CROCC2: variants seen among roughly 807,000 people sequenced by gnomAD.
The protein encoded by CROCC2 is ciliary rootlet coiled-coil protein 2.
CROCC2 carries 163 observed loss-of-function variants against 177.6 expected under a neutral mutation model. The observed-to-expected ratio is 0.92, with a 90% CI of 0.81 to 1.05. The LOEUF is 1.05. Ranked by LOEUF, CROCC2 falls within the 50% of genes least tolerant of loss-of-function variation. The pLI is 0.00. For synonymous variants in CROCC2, 904 were observed against 787.3 expected (o/e 1.15, Z -2.48); for missense variants, 1,929 against 1,797.8 (o/e 1.07, Z -1.32).
chr2:240,956,036 A>G (rs1574775096), intron 19 of CROCC2, 64 bp downstream of exon 19: 1 of 1,215,848 alleles, frequency 8.2e-7, no homozygotes, highest in Non-Finnish European at 1.2e-6. Flanking sequence ...CCAGGGGGCC[A>G]CCCCTCCTGC....
rs144963017 is a variant in CROCC2 at position 240,957,805 on chromosome 2, G to A, written c.2944-1496G>A. ...GCCCCTGAGGCCTGGAGGGTTCCACGGGGCCCAGGAGGACCAAGCTTGGCA... is the reference window on the plus strand; with the variant it reads ...GCCCCTGAGGCCTGGAGGGTTCCACAGGGCCCAGGAGGACCAAGCTTGGCA... On this transcript the variant is annotated intron_variant, in intron 19 of 31. Transcript: ENST00000690015. Among the ~76,000 whole-genome samples, 896 of 152,164 alleles carry A rather than the reference G, an allele frequency of 5.9e-3. 5 individuals carry two copies. The highest frequency in any genetic ancestry group is 0.01 in the Non-Finnish European group (701 of 67,984).
chr2:240,976,122 G>T (rs529955425), intron 27 of CROCC2, among the ~76,000 whole-genome samples: 6 of 152,338 alleles, frequency 3.9e-5, no homozygotes, highest in African/African-American at 1.4e-4. Flanking sequence ...CCACATGCTG[G>T]CTCCAAGACC....
chr2:240,965,780 G>A lies in CROCC2; in HGVS notation c.3748G>A (p.Glu1250Lys), dbSNP rs58321401. The change falls in exon 24 of 32, where the codon GAA becomes AAA. Residue 1250 changes from glutamate (E) to lysine (K), a missense_variant. By Grantham distance (56) the Glu-to-Lys change is moderately conservative. This residue lies in a region of CROCC2 where 144 missense variants were observed against 205.2 expected (regional missense o/e 0.70). Coordinates refer to ENST00000690015, the MANE Select transcript of CROCC2 (RefSeq NM_001351305.2). ...ELHSVTRKLQEASGVADALQA... is the reference protein window; with the variant it reads ...ELHSVTRKLQKASGVADALQA... Reference sequence around the variant, plus strand: ...GCACAGTGTCACCAGGAAGCTGCAGGAAGCCAGTGGTGTGGCTGATGCTCT... The same window carrying A: ...GCACAGTGTCACCAGGAAGCTGCAGAAAGCCAGTGGTGTGGCTGATGCTCT... 9,093 of 1,490,736 alleles carry A rather than the reference G, an allele frequency of 6.1e-3. 492 individuals carry two copies. In the African/African-American group the frequency reaches 0.11, roughly 18 times the overall value. 92.3% of individuals were successfully genotyped at this position (1,490,736 alleles called of 1,614,324 possible). A position where few individuals can be genotyped will look rare whatever the true frequency, so the allele number is the denominator to read the frequency against.
intron 14 of CROCC2, among the ~76,000 whole-genome samples, chr2:240,945,151 G>A (rs2059515573): frequency 6.6e-6 from 1 of 152,156 alleles, no homozygotes; most frequent in Non-Finnish European, 1.5e-5. Context: ...TGCCAGGCTG[G>A]TCTTGAACTC....
intron 1 of CROCC2, among the ~76,000 whole-genome samples, chr2:240,912,565 C>T (rs565382836): frequency 6.6e-6 from 1 of 152,338 alleles, no homozygotes; most frequent in South Asian, 2.1e-4. Flanking sequence ...TACGGAGCCT[C>T]CAGGCCCCTG....
At chr2:240,981,685 A>G (rs1360731117) in intron 27 of CROCC2, 1 of 152,192 alleles carries the variant, frequency 6.6e-6, no homozygotes, top group Non-Finnish European at 1.5e-5. Flanking sequence ...AGGGTGAAGC[A>G]TCACAGTCTT....
At position 240,932,720 on chromosome 2, in the gene CROCC2, C is replaced by T. The variant is rs542942310; in HGVS notation, c.1063C>T (p.Arg355Trp). Residue 355 changes from arginine (R) to tryptophan (W), a missense_variant, in exon 9 of 32, where the codon CGG (arginine) becomes TGG (tryptophan). This residue lies in a region of CROCC2 where 1,397 missense variants were observed against 1,239.9 expected (regional missense o/e 1.13). Coordinates refer to ENST00000690015, the MANE Select transcript of CROCC2 (RefSeq NM_001351305.2). ...LQNLVAQEDA[R>W]CLELAGSSIT... ...CTTGAAGGTGGCCCAGGAGGACGCC[C>T]GGTGCCTGGAGCTGGCAGGTAGCAG... The T allele has an allele frequency of 1.8e-5, 15 of 834,166 alleles. No homozygotes were observed. Among genetic ancestry groups the T allele is most frequent in the East Asian group, 5.3e-5 (2 of 37,768 alleles). The allele number at this position is 834,166 out of a possible 1,614,324, so 51.7% of individuals were successfully genotyped here.
At position 240,934,430 on chromosome 2, in the gene CROCC2, T is replaced by G; in HGVS notation, c.1746T>G (p.Asp582Glu). ...TGAGCACAGCACAGCTGCAGCGGGA[T>G]GTCGTGGAGAGTGAGAGGGAGGGAC... ...EALSTAQLQRDVVESEREGLR... is the reference protein window; with the variant it reads ...EALSTAQLQREVVESEREGLR... The change falls in exon 12 of 32, where the codon GAT (aspartate) becomes GAG (glutamate). Residue 582 changes from aspartate (D) to glutamate (E), a missense_variant. This residue lies in a region of CROCC2 where 1,397 missense variants were observed against 1,239.9 expected (regional missense o/e 1.13). Transcript: ENST00000690015. 1 of 1,548,582 alleles carries G rather than the reference T, an allele frequency of 6.5e-7. No homozygotes were observed. Among genetic ancestry groups the G allele is most frequent in the Non-Finnish European group, 8.7e-7 (1 of 1,146,878 alleles).
At position 240,949,172 on chromosome 2, in the gene CROCC2, C is replaced by A; in HGVS notation, c.2482+75C>A. The A allele has an allele frequency of 6.9e-7, 1 of 1,459,522 alleles. No homozygotes were observed. 90.4% of individuals were successfully genotyped at this position (1,459,522 alleles called of 1,614,324 possible). On this transcript the variant is annotated intron_variant, in intron 16 of 31. Coordinates refer to ENST00000690015, the MANE Select transcript of CROCC2 (RefSeq NM_001351305.2). The surrounding 1 kb of genome is among the most constrained non-coding windows in gnomAD (Gnocchi z 4.5). Reference sequence around the variant, plus strand: ...GGGGCCCCTGGAATGGAGCTCAGTGCCCACACGTGCTGCACCCCCTCTCCG... The same window carrying A: ...GGGGCCCCTGGAATGGAGCTCAGTGACCACACGTGCTGCACCCCCTCTCCG...
chr2:240,966,280 G>C lies in CROCC2; in HGVS notation c.4017G>C (p.Arg1339Ser). ...AACAGGGTACCAGCCCCCCAGCCAG[G>C]CCCCACTCGCCCCTCCGATGGCCCT... ...PGQQGTSPPA[R>S]PHSPLRWPSP... Residue 1339 changes from arginine (R) to serine (S), a missense_variant, in exon 25 of 32, where the codon AGG (arginine) becomes AGC (serine). By Grantham distance (110) the Arg-to-Ser change is moderately radical. Coordinates refer to ENST00000690015, the MANE Select transcript of CROCC2 (RefSeq NM_001351305.2). 1 of 485,598 alleles carries C rather than the reference G, an allele frequency of 2.1e-6. No homozygotes were observed. Among genetic ancestry groups the C allele is most frequent in the Non-Finnish European group, 3.3e-6 (1 of 303,006 alleles). The allele number at this position is 485,598 out of a possible 1,614,324, so 30.1% of individuals were successfully genotyped here.
At chr2:240,927,808 G>A (rs1181297577) in intron 5 of CROCC2, among the ~76,000 whole-genome samples, 3 of 152,100 alleles carry the variant, frequency 2.0e-5, no homozygotes, top group South Asian at 2.1e-4. Context: ...GTGCCACCAC[G>A]CCTGGATAAT....
intron 28 of CROCC2, among the ~76,000 whole-genome samples, chr2:240,987,849 G>A (rs74806260): frequency 0.012 from 1,809 of 152,332 alleles, 36 homozygotes; most frequent in African/African-American, 0.041. Context: ...CAGGGCCTGG[G>A]TTCCAGGCCT....
rs1421232505 is a variant in CROCC2 at position 240,933,119 on chromosome 2, C to A, written c.1252-12C>A. On this transcript the variant is annotated splice_polypyrimidine_tract_variant and intron_variant, in intron 9 of 31. Transcript: ENST00000690015. ...AGGCCAGAGAGGCCCACAACTTACC[C>A]CACCCGAGCAGGAGCTGTGCCTGCA... 4 of 1,550,086 alleles carry A rather than the reference C, an allele frequency of 2.6e-6. No homozygotes were observed. The highest frequency in any genetic ancestry group is 3.5e-6 in the Non-Finnish European group (4 of 1,146,856).
At chr2:240,912,271 G>A (rs190625839) in intron 1 of CROCC2, among the ~76,000 whole-genome samples, 41 of 152,188 alleles carry the variant, frequency 2.7e-4, no homozygotes, top group African/African-American at 7.2e-4. Flanking sequence ...AATCCAGTTC[G>A]GACCCTAACC....
At chr2:240,916,066 C>T (rs4675850) in intron 1 of CROCC2, among the ~76,000 whole-genome samples, 100,961 of 152,002 alleles carry the variant, frequency 0.66, 34,309 homozygotes, top group East Asian at 0.89. Flanking sequence ...CTGTACCCGC[C>T]GGCGCAGGTG....
At chr2:240,909,919 G>A (rs1004348660) in intron 1 of CROCC2, among the ~76,000 whole-genome samples, 4 of 152,166 alleles carry the variant, frequency 2.6e-5, no homozygotes, top group African/African-American at 4.8e-5. Context: ...CCTGAGGAAG[G>A]CCGTGGCTTG....
In CROCC2 at chr2:240,935,092, G is replaced by T; in HGVS notation, c.1938+30G>T. 7 of 1,323,004 alleles carry T rather than the reference G, an allele frequency of 5.3e-6. No homozygotes were observed. The East Asian group carries it at 9.2e-5, about 17-fold the overall frequency. 82.0% of individuals were successfully genotyped at this position (1,323,004 alleles called of 1,614,324 possible). ...GACAAGGGCCAGTGGGGCGGGCCTCGCTGGAACCTGTTTCCCAGGTGGCTG... is the reference window on the plus strand; with the variant it reads ...GACAAGGGCCAGTGGGGCGGGCCTCTCTGGAACCTGTTTCCCAGGTGGCTG... On this transcript the variant is annotated intron_variant, in intron 13 of 31. Coordinates refer to ENST00000690015, the MANE Select transcript of CROCC2 (RefSeq NM_001351305.2).
chr2:240,926,881 G>A (rs747240054), intron 5 of CROCC2, among the ~76,000 whole-genome samples: 4 of 152,246 alleles, frequency 2.6e-5, no homozygotes, highest in African/African-American at 7.2e-5. Context: ...CTTCTGGCTC[G>A]AGGCGTTTGA....
chr2:240,946,901 A>G (rs142242948), intron 15 of CROCC2, among the ~76,000 whole-genome samples: 1 of 152,366 alleles, frequency 6.6e-6, no homozygotes, highest in African/African-American at 2.4e-5. Context: ...CCAGGGACAC[A>G]TGAGGTGGAG....
Sources: allele counts gnomAD v4.1 joint callset (sites outside exome capture counted in the v4.1 genomes callset), GRCh38; gene constraint gnomAD v4.1.1; regional missense constraint gnomAD v4.1.1; non-coding constraint Gnocchi (gnomAD v3.1); transcripts MANE v1.5; gene names NCBI Gene and HGNC (gene_info 2026-07-23, HGNC 2026-07-21).